G6PD: variants seen among roughly 807,000 people sequenced by gnomAD.
G6PD encodes the protein glucose-6-phosphate dehydrogenase.
G6PD carries 2 observed loss-of-function variants against 38.2 expected under a neutral mutation model. The ratio of observed to expected loss-of-function variants is 0.05; its 90% confidence interval spans 0.02 to 0.16. G6PD has a LOEUF of 0.16. Ranked by LOEUF, G6PD falls within the 10% of genes least tolerant of loss-of-function variation. G6PD has a pLI of 1.00. For synonymous variants in G6PD, 188 were observed against 196.0 expected (o/e 0.96, Z 0.34); for missense variants, 310 against 471.6 (o/e 0.66, Z 3.17).
Position 154,532,614 on chromosome X carries a change from T to G in G6PD, c.1240A>C (p.Asn414His), listed in dbSNP as rs201794043. The G allele has an allele frequency of 8.3e-5, 101 of 1,211,030 alleles. No individual in the cohort carries two copies. Among genetic ancestry groups the G allele is most frequent in the Admixed American group, 1.1e-4 (5 of 45,921 alleles). ...MMTKKPGMFF[N>H]PEESELDLTY... ...AGGTCCAGCTCCGACTCCTCGGGGT[T>G]GAAGAACATGCCCGGCTTCTTGGTC... The change falls in exon 10 of 13, where the codon AAC becomes CAC. Residue 414 changes from asparagine (N) to histidine (H), a missense_variant. Around this residue, in one of 4 missense-constraint regions of G6PD, gnomAD observed 168 missense variants for 309.2 expected, o/e 0.54. Transcript: ENST00000393562.
chrX:154,543,044 T>C lies in G6PD; in HGVS notation c.120+2992A>G, dbSNP rs1264154837. Among the ~76,000 whole-genome samples the C allele has an allele frequency of 4.5e-5, 5 of 111,662 alleles. No homozygotes were observed. The Admixed American group carries it at 4.7e-4, about 11-fold the overall frequency. On this transcript the variant is annotated intron_variant, in intron 2 of 12. Transcript: ENST00000393562. Reference sequence around the variant, plus strand: ...GCCCTCAAGTGCCACCCTGCCTACCTCCCGCACCGAGTGAGGCATCAGGCG... The same window carrying C: ...GCCCTCAAGTGCCACCCTGCCTACCCCCCGCACCGAGTGAGGCATCAGGCG...
At position 154,531,635 on chromosome X, in the gene G6PD, C is replaced by T. The variant is rs1034742794; in HGVS notation, c.*365G>A. 49 of 278,722 alleles carry T rather than the reference C, an allele frequency of 1.8e-4. No homozygotes were observed. The highest frequency in any genetic ancestry group is 2.9e-4 in the Non-Finnish European group (46 of 156,042). 23.0% of individuals were successfully genotyped at this position (278,722 alleles called of 1,213,427 possible). On this transcript the variant is annotated 3_prime_UTR_variant, in exon 13 of 13. Transcript: ENST00000393562. The stretch of plus-strand genomic sequence containing the variant: ...TCTCACGTGGGTGCTCGCCCCTTTC[C>T]TCCCCCTCGTCCCTCCCTCCCACCC...
chrX:154,539,709 G>T (rs782030415), intron 2 of G6PD, among the ~76,000 whole-genome samples: 20 of 110,712 alleles, frequency 1.8e-4, no homozygotes, highest in Admixed American at 2.9e-4. Flanking sequence ...CACCATCTGT[G>T]TTCTTCATGA....
At chrX:154,537,125 G>A (rs1364677560) in intron 2 of G6PD, among the ~76,000 whole-genome samples, 1 of 110,198 alleles carries the variant, frequency 9.1e-6, no homozygotes, top group Admixed American at 9.6e-5. Context: ...CTGACACGGT[G>A]AAACCCCGCC....
chrX:154,535,060 A>G, intron 5 of G6PD, 108 bp downstream of exon 5: 1 of 801,780 alleles, frequency 1.2e-6, no homozygotes, highest in Non-Finnish European at 1.9e-6. Context: ...TGGCCCCGGC[A>G]CCATGGATGC....
intron 2 of G6PD, among the ~76,000 whole-genome samples, chrX:154,539,535 C>T (rs1557231386): frequency 1.8e-5 from 2 of 110,442 alleles, no homozygotes; most frequent in Non-Finnish European, 3.8e-5. Flanking sequence ...AACAATGGAG[C>T]GGAGGGTGGG....
Position 154,546,810 on chromosome X carries a change from C to T in G6PD, c.-30G>A. The T allele has an allele frequency of 2.3e-5, 27 of 1,163,449 alleles. No homozygotes were observed. The highest frequency in any genetic ancestry group is 3.1e-5 in the Non-Finnish European group (27 of 873,651). On this transcript the variant is annotated 5_prime_UTR_variant, in exon 1 of 13. Coordinates refer to ENST00000393562, the MANE Select transcript of G6PD (RefSeq NM_001360016.2). ...TTACCTGCGCTTCGTCGTCGTCGCCCTCCGCGCTCGCAGCCCCGAAGTGTA... is the reference window on the plus strand; with the variant it reads ...TTACCTGCGCTTCGTCGTCGTCGCCTTCCGCGCTCGCAGCCCCGAAGTGTA...
chrX:154,539,562 A>T (rs1438573817), intron 2 of G6PD, among the ~76,000 whole-genome samples: 2 of 110,093 alleles, frequency 1.8e-5, no homozygotes, highest in Non-Finnish European at 3.8e-5. Context: ...GTCAGAAATG[A>T]CCCTTTGAGG....
Position 154,535,426 on chromosome X carries a change from C to T in G6PD, c.268-41G>A. 4.4e-6 allele frequency: 5 copies of T among 1,129,960 alleles called. No individual in the cohort carries two copies. The South Asian group carries it at 7.5e-5, about 17-fold the overall frequency. 93.1% of individuals were successfully genotyped at this position (1,129,960 alleles called of 1,213,427 possible). ...AGACAGACACACAGACAGATGTCAG[C>T]CCCTCTCTTTGAGTCCGTGTGTGTT... On this transcript the variant is annotated intron_variant, in intron 4 of 12. Transcript: ENST00000393562.
rs1192332755 is a variant in G6PD at position 154,531,781 on chromosome X, A to C, written c.*219T>G. Reference sequence around the variant, plus strand: ...AGGAGGTGACTCAGCTCCTGGGCTCAGGCAGGGTCTGGAGGGGCCAGGATG... The same window carrying C: ...AGGAGGTGACTCAGCTCCTGGGCTCCGGCAGGGTCTGGAGGGGCCAGGATG... On this transcript the variant is annotated 3_prime_UTR_variant, in exon 13 of 13. Coordinates refer to ENST00000393562, the MANE Select transcript of G6PD (RefSeq NM_001360016.2). 9.8e-6 allele frequency: 5 copies of C among 511,219 alleles called. No individual in the cohort carries two copies. The African/African-American group carries it at 1.2e-4, about 12-fold the overall frequency. 42.1% of individuals were successfully genotyped at this position (511,219 alleles called of 1,213,427 possible). A position where few individuals can be genotyped will look rare whatever the true frequency, so the allele number is the denominator to read the frequency against.
At chrX:154,539,989 G>A (rs1557231480) in intron 2 of G6PD, among the ~76,000 whole-genome samples, 1 of 110,134 alleles carries the variant, frequency 9.1e-6, no homozygotes, top group African/African-American at 3.3e-5. Context: ...CCAAAGTGCT[G>A]GCATTACAGG....
Position 154,532,430 on chromosome X carries a change from G to A in G6PD, c.1320C>T (p.Leu440=). ...GGCTCCCGCAGAAGACGTCCAGGAT[G>A]AGGCGCTCATAGGCGTCAGGGAGCT... ...NVKLPDAYER[L]ILDVFCGSQM... Residue 440 remains leucine (L), a synonymous_variant, in exon 11 of 13, where the codon CTC becomes CTT. Transcript: ENST00000393562. 1 of 1,211,472 alleles carries A rather than the reference G, an allele frequency of 8.3e-7. No homozygotes were observed. The highest frequency in any genetic ancestry group is 1.1e-6 in the Non-Finnish European group (1 of 895,388).
At chrX:154,535,681 G>GCT (rs1463025333) in intron 4 of G6PD, 2 of 450,449 alleles carry the variant, frequency 4.4e-6, no homozygotes, top group Non-Finnish European at 7.8e-6. Context: ...ACTGGAGAAA[G>GCT]CTCTCTCTCC....
chrX:154,545,712 G>A (rs2070684798), intron 2 of G6PD: 2 of 258,529 alleles, frequency 7.7e-6, no homozygotes, highest in Non-Finnish European at 1.4e-5. Flanking sequence ...GTGCATGCCT[G>A]TAATCTCAGC....
rs371772243 is a variant in G6PD, at chrX:154,532,103, G to A, written c.1458-13C>T. The A allele has an allele frequency of 2.4e-5, 29 of 1,203,482 alleles. No homozygotes were observed. Among genetic ancestry groups the A allele is most frequent in the East Asian group, 6.0e-5 (2 of 33,527 alleles). ...CGTGGGGCCTCGGCTGGAGAGTGACGGGTGGAGGAGAGGCATGAGGTAGCT... is the reference window on the plus strand; with the variant it reads ...CGTGGGGCCTCGGCTGGAGAGTGACAGGTGGAGGAGAGGCATGAGGTAGCT... On this transcript the variant is annotated splice_polypyrimidine_tract_variant and intron_variant, in intron 12 of 12. Transcript: ENST00000393562.
rs371834762 is a variant in G6PD, at chrX:154,536,956, T to C, written c.121-778A>G. 8.0e-5 allele frequency among the ~76,000 whole-genome samples: 9 copies of C among 112,237 alleles called. No homozygotes were observed. The East Asian group carries it at 1.9e-3, about 24-fold the overall frequency. ...AAGAAAAGATGAACAAAGCTGGAAA[T>C]TGGTGTTTGAAAAAGACGAATAGAA... On this transcript the variant is annotated intron_variant, in intron 2 of 12. Transcript: ENST00000393562.
chrX:154,535,953 C>T lies in G6PD; in HGVS notation c.251G>A (p.Ser84Asn), dbSNP rs141830127. Residue 84 changes from serine (S) to asparagine (N), a missense_variant, in exon 4 of 13, where the codon AGT (serine) becomes AAT (asparagine). By Grantham distance (46) the Ser-to-Asn change is conservative. This residue lies in a region of G6PD where 96 missense variants were observed against 93.3 expected (regional missense o/e 1.03). Transcript: ENST00000393562. ...ACCACCCACCTTGAAGAAGGGCTCA[C>T]TCTGTTTGCGGATGTCAGCCACTGT... ...RLTVADIRKQSEPFFKATPEE... is the reference protein window; with the variant it reads ...RLTVADIRKQNEPFFKATPEE... 3 of 1,211,036 alleles carry T rather than the reference C, an allele frequency of 2.5e-6. No individual in the cohort carries two copies. The highest frequency in any genetic ancestry group is 3.4e-6 in the Non-Finnish European group (3 of 894,720).
At position 154,531,974 on chromosome X, in the gene G6PD, C is replaced by T. The variant is rs782745892; in HGVS notation, c.*26G>A. On this transcript the variant is annotated 3_prime_UTR_variant, in exon 13 of 13. Transcript: ENST00000393562. Reference sequence around the variant, plus strand: ...GCGGCGGGAAGGAGGGTGGCCGTGGCGGGGGTGGAGGTGGGTGCCCAGGGC... The same window carrying T: ...GCGGCGGGAAGGAGGGTGGCCGTGGTGGGGGTGGAGGTGGGTGCCCAGGGC... 3.7e-5 allele frequency: 15 copies of T among 402,738 alleles called. No individual in the cohort carries two copies. The African/African-American group carries it at 4.5e-4, about 12-fold the overall frequency. The allele number at this position is 402,738 out of a possible 1,213,427, so 33.2% of individuals were successfully genotyped here.
At position 154,546,826 on chromosome X, in the gene G6PD, C is replaced by T. The variant is rs1557233542; in HGVS notation, c.-46G>A. The T allele has an allele frequency of 8.6e-7, 1 of 1,160,030 alleles. No homozygotes were observed. The highest frequency in any genetic ancestry group is 1.1e-6 in the Non-Finnish European group (1 of 872,201). ...GTCGTCGCCCTCCGCGCTCGCAGCC[C>T]CGAAGTGTACGACCGTTTCCGGGGG... On this transcript the variant is annotated 5_prime_UTR_variant, in exon 1 of 13. Coordinates refer to ENST00000393562, the MANE Select transcript of G6PD (RefSeq NM_001360016.2).
Sources: gnomAD v4.1 joint callset for allele counts (sites outside exome capture counted in the v4.1 genomes callset) on GRCh38, gnomAD v4.1.1 for gene constraint, gnomAD v4.1.1 regional missense constraint, MANE v1.5 for transcripts, NCBI Gene and HGNC (gene_info 2026-07-23, HGNC 2026-07-21) for gene names.